Variants in FNIP2 observed in about 807,000 individuals in gnomAD.
The protein encoded by FNIP2 is folliculin interacting protein 2, also known as folliculin-interacting protein 2.
A neutral mutation model predicts 108.7 loss-of-function variants in FNIP2; 32 were observed. That is an observed-to-expected ratio of 0.29 (90% CI 0.22 to 0.40). The LOEUF is 0.40. FNIP2 is among the 10% of genes least tolerant of loss of function. The probability of loss-of-function intolerance (pLI) is 1.00; values close to 1 mark genes in which losing one functional copy is unlikely to be tolerated. For missense variants in FNIP2, 1,202 were observed against 1,381.6 expected (o/e 0.87, Z 2.06); for synonymous variants, 480 against 496.7 (o/e 0.97, Z 0.45).
intron 1 of FNIP2, among the ~76,000 whole-genome samples, chr4:158,785,137 G>A (rs1776182612): frequency 7.1e-6 from 1 of 140,282 alleles, no homozygotes; most frequent in African/African-American, 2.8e-5. Flanking sequence ...CCAGGCTGGA[G>A]TGCAGTGGCA....
At chr4:158,880,431 G>C (rs1480060304) in intron 14 of FNIP2, among the ~76,000 whole-genome samples, 1 of 152,104 alleles carries the variant, frequency 6.6e-6, no homozygotes, top group Non-Finnish European at 1.5e-5. Flanking sequence ...TCACACACTG[G>C]GACCTGTGGT....
At chr4:158,872,460 T>C in intron 14 of FNIP2, 4 of 985,482 alleles carry the variant, frequency 4.1e-6, no homozygotes, top group Non-Finnish European at 4.8e-6. Flanking sequence ...GTAGCTTTTC[T>C]CATTTCTTTA....
Position 158,868,286 on chromosome 4 carries a change from G to A in FNIP2, c.1650G>A (p.Gly550=). Residue 550 remains glycine, a synonymous_variant, in exon 13 of 17, where the codon GGG becomes GGA. Coordinates refer to ENST00000264433, the MANE Select transcript of FNIP2 (RefSeq NM_020840.3). This position sits in a 1 kb window ranked among gnomAD's most constrained non-coding sequence, Gnocchi z 4.6. The part of the protein sequence containing the change: ...NHGEGDQVLN[G]SKIITALEKG... ...GTGAAGGTGACCAAGTTTTAAATGG[G>A]AGCAAGATCATAACAGCCTTGGAGA... is the stretch of plus-strand genomic sequence containing the variant. 1 of 1,614,058 alleles carries A rather than the reference G, an allele frequency of 6.2e-7. No homozygotes were observed. The highest frequency in any genetic ancestry group is 8.5e-7 in the Non-Finnish European group (1 of 1,179,910).
intron 1 of FNIP2, among the ~76,000 whole-genome samples, chr4:158,786,959 A>G (rs1429897808): frequency 6.6e-6 from 1 of 151,016 alleles, no homozygotes; most frequent in Non-Finnish European, 1.5e-5. Context: ...CAGAGTCTGT[A>G]TTGCTTTTGG....
At chr4:158,796,125 T>C (rs1375622681) in intron 1 of FNIP2, 2 of 152,160 alleles carry the variant, frequency 1.3e-5, no homozygotes, top group African/African-American at 4.8e-5. Context: ...TAGAGTCCGT[T>C]CTATCTTCCT....
At chr4:158,904,342 G>A in intron 16 of FNIP2, 124 bp from the exon 17 acceptor site, 1 of 852,886 alleles carries the variant, frequency 1.2e-6, no homozygotes, top group South Asian at 1.6e-5. Flanking sequence ...TTTTTCATTA[G>A]TTTTAAATGA....
Position 158,906,866 on chromosome 4 carries a change from C to T in FNIP2, c.*2322C>T, listed in dbSNP as rs1455605606. Reference sequence around the variant, plus strand: ...CACCGCTCACACGCCGTACACCACCCAGTGGCTTCATTCTGGCTTAGCCGC... The same window carrying T: ...CACCGCTCACACGCCGTACACCACCTAGTGGCTTCATTCTGGCTTAGCCGC... On this transcript the variant is annotated 3_prime_UTR_variant, in exon 17 of 17. Coordinates refer to ENST00000264433, the MANE Select transcript of FNIP2 (RefSeq NM_020840.3). 6.6e-6 allele frequency: 1 copy of T among 152,138 alleles called. No individual in the cohort carries two copies. Among genetic ancestry groups the T allele is most frequent in the Non-Finnish European group, 1.5e-5 (1 of 68,030 alleles). 9.4% of individuals were successfully genotyped at this position (152,138 alleles called of 1,614,324 possible). A position where few individuals can be genotyped will look rare whatever the true frequency, so the allele number is the denominator to read the frequency against.
intron 1 of FNIP2, chr4:158,806,157 G>A (rs2126488737): frequency 1.6e-6 from 2 of 1,236,370 alleles, no homozygotes; most frequent in South Asian, 2.8e-5. Context: ...ATTACAGAAT[G>A]TTCCTCACAT....
At chr4:158,861,246 A>G (rs999728517) in intron 10 of FNIP2, 96 bp from the exon 11 acceptor site, 5 of 1,372,102 alleles carry the variant, frequency 3.6e-6, no homozygotes, top group Non-Finnish European at 4.9e-6. Context: ...AGGACTACAT[A>G]GATTCAAGTT....
chr4:158,865,735 G>T (rs1424791136), intron 12 of FNIP2, among the ~76,000 whole-genome samples: 1 of 152,178 alleles, frequency 6.6e-6, no homozygotes, highest in Non-Finnish European at 1.5e-5. Flanking sequence ...TAATCAAAGT[G>T]TTAACAGTAA....
chr4:158,835,380 T>C, intron 6 of FNIP2, 25 bp from the exon 7 acceptor site: 1 of 1,608,208 alleles, frequency 6.2e-7, no homozygotes, highest in African/African-American at 1.3e-5. Context: ...CCCAATAACA[T>C]GGTTTTCTTG....
In FNIP2 at chr4:158,906,033, C is replaced by G. The variant is rs990483240; in HGVS notation, c.*1489C>G. 1.3e-5 allele frequency: 2 copies of G among 152,108 alleles called. No individual in the cohort carries two copies. The highest frequency in any genetic ancestry group is 4.8e-5 in the African/African-American group (2 of 41,416). The allele number at this position is 152,108 out of a possible 1,614,324, so 9.4% of individuals were successfully genotyped here. On this transcript the variant is annotated 3_prime_UTR_variant, in exon 17 of 17. Transcript: ENST00000264433. ...TAAAAATCAGAACTGCTACCTTTCC[C>G]TTTTTTAATGATGCAAAATGTAGAT...
intron 3 of FNIP2, 64 bp downstream of exon 3, chr4:158,829,289 TG>T: frequency 8.6e-6 from 12 of 1,389,632 alleles, no homozygotes; most frequent in Non-Finnish European, 1.2e-5. Flanking sequence ...AATTTCTCCT[TG>T]GGAAATAATG....
At chr4:158,838,043 T>C (rs966325624) in intron 7 of FNIP2, among the ~76,000 whole-genome samples, 1 of 152,200 alleles carries the variant, frequency 6.6e-6, no homozygotes, top group African/African-American at 2.4e-5. Context: ...ATGTAAGAAC[T>C]CTTTATGTTC....
intron 14 of FNIP2, among the ~76,000 whole-genome samples, chr4:158,873,582 T>C (rs6856154): frequency 1.1e-4 from 16 of 152,364 alleles, no homozygotes; most frequent in African/African-American, 3.6e-4. Flanking sequence ...ATGCTTCCAA[T>C]GTTAAGAATT....
intron 1 of FNIP2, among the ~76,000 whole-genome samples, chr4:158,823,288 C>T (rs537523679): frequency 2.6e-4 from 40 of 152,116 alleles, no homozygotes; most frequent in East Asian, 5.8e-4. Flanking sequence ...TATTTAGAGA[C>T]GGAATCTCCC....
chr4:158,862,417 A>G (rs905724576), intron 12 of FNIP2, among the ~76,000 whole-genome samples: 2 of 152,228 alleles, frequency 1.3e-5, no homozygotes, highest in Non-Finnish European at 2.9e-5. Flanking sequence ...AGATGTATAA[A>G]TGAATACAAG....
At chr4:158,880,147 T>C (rs1578966741) in intron 14 of FNIP2, among the ~76,000 whole-genome samples, 2 of 142,852 alleles carry the variant, frequency 1.4e-5, no homozygotes, top group Non-Finnish European at 3.1e-5. Context: ...TGCACACGTA[T>C]GTTTATTGTG....
intron 12 of FNIP2, among the ~76,000 whole-genome samples, chr4:158,862,824 C>G (rs927096019): frequency 1.3e-5 from 2 of 152,122 alleles, no homozygotes; most frequent in African/African-American, 2.4e-5. Context: ...AAAACTTAGT[C>G]TCATTAAGTG....
Sources: allele counts gnomAD v4.1 joint callset (sites outside exome capture counted in the v4.1 genomes callset), GRCh38; gene constraint gnomAD v4.1.1; non-coding constraint Gnocchi (gnomAD v3.1); transcripts MANE v1.5; gene names NCBI Gene and HGNC (gene_info 2026-07-23, HGNC 2026-07-21).